Variants in SMG6 observed in about 807,000 individuals in gnomAD.
SMG6 encodes the protein telomerase-binding protein EST1A.
In SMG6, 66 loss-of-function variants were observed where a neutral mutation model predicts 142.2. The ratio of observed to expected loss-of-function variants is 0.46; its 90% CI spans 0.38 to 0.57. SMG6 has a LOEUF of 0.57. SMG6 is among the 20% of genes least tolerant of loss of function. The pLI, the probability that SMG6 is intolerant of heterozygous loss-of-function variation, is 0.00. For missense variants in SMG6, 1,793 were observed against 1,832.0 expected (o/e 0.98, Z 0.39); for synonymous variants, 779 against 702.4 (o/e 1.11, Z -1.72).
chr17:2,251,900 G>A (rs1228954865), intron 8 of SMG6, among the ~76,000 whole-genome samples: 3 of 151,790 alleles, frequency 2.0e-5, no homozygotes, highest in Admixed American at 6.6e-5. Context: ...TCGGGAGTTC[G>A]AGACCAGCCT....
intron 15 of SMG6, among the ~76,000 whole-genome samples, chr17:2,078,823 T>C (rs2068331255): frequency 6.6e-6 from 1 of 152,020 alleles, no homozygotes; most frequent in Non-Finnish European, 1.5e-5. Flanking sequence ...TCATCGATGC[T>C]GAAGGGAAGC....
intron 8 of SMG6, among the ~76,000 whole-genome samples, chr17:2,278,634 T>C (rs749132079): frequency 6.6e-6 from 1 of 152,236 alleles, no homozygotes; most frequent in Non-Finnish European, 1.5e-5. Context: ...GTGATCATTA[T>C]AGAAATCCAA....
intron 13 of SMG6, among the ~76,000 whole-genome samples, chr17:2,096,303 G>T (rs973742430): frequency 2.6e-4 from 39 of 152,158 alleles, no homozygotes; most frequent in Admixed American, 3.3e-4. Context: ...TTGAACCTGG[G>T]TTCAAGTGAT....
At chr17:2,064,893 T>TC (rs1389827866) in intron 18 of SMG6, among the ~76,000 whole-genome samples, 180 bp downstream of exon 18, 2 of 151,510 alleles carry the variant, frequency 1.3e-5, no homozygotes, top group African/African-American at 4.8e-5. Flanking sequence ...CACCTGGCAT[T>TC]CCCTGGGGCT....
Position 2,160,511 on chromosome 17 carries a change from G to A in SMG6, c.3357+12147C>T, listed in dbSNP as rs185995132. Among the ~76,000 whole-genome samples, 219 of 152,236 alleles carry A rather than the reference G, an allele frequency of 1.4e-3. 2 individuals carry two copies. The highest frequency in any genetic ancestry group is 4.9e-3 in the African/African-American group (203 of 41,552). On this transcript the variant is annotated intron_variant, in intron 13 of 18. Coordinates refer to ENST00000263073, the MANE Select transcript of SMG6 (RefSeq NM_017575.5). ...TGGGATTACAGGCATGAGCCACCGC[G>A]CCTGGCCTTCAATTGTTTTGAATAT... is the stretch of plus-strand genomic sequence containing the variant.
intron 15 of SMG6, among the ~76,000 whole-genome samples, chr17:2,077,690 G>C (rs2068298888): frequency 6.6e-6 from 1 of 152,204 alleles, no homozygotes; most frequent in African/African-American, 2.4e-5. Context: ...GTGTTTAAGA[G>C]ACGGGGTTTT....
chr17:2,297,752 G>GT (rs934105972), intron 3 of SMG6, 111 bp downstream of exon 3: 12 of 1,298,544 alleles, frequency 9.2e-6, no homozygotes, highest in Middle Eastern at 3.7e-4. Context: ...GAAAAGGGCA[G>GT]TTTTTTTGTC....
At chr17:2,219,469 G>C (rs2073111330) in intron 10 of SMG6, among the ~76,000 whole-genome samples, 1 of 151,962 alleles carries the variant, frequency 6.6e-6, no homozygotes, top group South Asian at 2.1e-4. Flanking sequence ...ACTGCTAAGA[G>C]TGTAAGCTGA....
intron 14 of SMG6, among the ~76,000 whole-genome samples, chr17:2,084,373 T>C (rs2068501087): frequency 6.6e-6 from 1 of 152,190 alleles, no homozygotes; most frequent in Admixed American, 6.5e-5. Flanking sequence ...CCCATTATTC[T>C]CTGCCCAGGT....
intron 6 of SMG6, among the ~76,000 whole-genome samples, chr17:2,288,098 G>T (rs2074947978): frequency 6.6e-6 from 1 of 152,146 alleles, no homozygotes; most frequent in South Asian, 2.1e-4. Flanking sequence ...TGGATCACCT[G>T]AAGTCTGGAG....
chr17:2,079,469 C>T (rs771982170), intron 15 of SMG6, among the ~76,000 whole-genome samples: 31 of 97,806 alleles, frequency 3.2e-4, no homozygotes, highest in South Asian at 2.1e-3. Context: ...CTGGTCTCTA[C>T]GAAAAATACA....
At chr17:2,212,517 G>A (rs970029730) in intron 10 of SMG6, 12 of 152,130 alleles carry the variant, frequency 7.9e-5, no homozygotes, top group Admixed American at 2.6e-4. Context: ...CGGCACTTGC[G>A]AACTGCTGAC....
intron 15 of SMG6, among the ~76,000 whole-genome samples, chr17:2,078,074 T>TGGAGGCAGTGCAGTGAATA (rs1329235282): frequency 2.0e-5 from 3 of 152,100 alleles, no homozygotes; most frequent in Non-Finnish European, 4.4e-5. Context: ...AAGAGAATGA[T>TGGAGGCAGTGCAGTGAATA]GGAGGCAGTG....
intron 8 of SMG6, chr17:2,266,171 C>G: frequency 1.0e-6 from 1 of 985,388 alleles, no homozygotes; most frequent in Non-Finnish European, 1.2e-6. Flanking sequence ...CAAACCAAGG[C>G]CTGGAAATTC....
intron 13 of SMG6, among the ~76,000 whole-genome samples, chr17:2,164,192 G>A (rs866274578): frequency 1.9e-4 from 29 of 151,970 alleles, no homozygotes; most frequent in Non-Finnish European, 4.1e-4. Flanking sequence ...TGAGGTGGAG[G>A]CGGGCAAATC....
intron 13 of SMG6, among the ~76,000 whole-genome samples, chr17:2,137,519 A>G (rs1036546430): frequency 3.9e-5 from 6 of 151,976 alleles, no homozygotes; most frequent in African/African-American, 1.5e-4. Flanking sequence ...GACCTTTCAC[A>G]TGCAAATGGG....
chr17:2,099,963 A>C (rs2068960270), intron 13 of SMG6, among the ~76,000 whole-genome samples: 1 of 151,988 alleles, frequency 6.6e-6, no homozygotes, highest in Admixed American at 6.5e-5. Context: ...TCTGGGCTCA[A>C]GTGATCCTTC....
chr17:2,085,016 C>T lies in SMG6; in HGVS notation c.3534+709G>A, dbSNP rs139009168. 1.3e-5 allele frequency among the ~76,000 whole-genome samples: 2 copies of T among 152,338 alleles called. No homozygotes were observed. The highest frequency in any genetic ancestry group is 4.8e-5 in the African/African-American group (2 of 41,570). On this transcript the variant is annotated intron_variant, in intron 14 of 18. Transcript: ENST00000263073. This position sits in a 1 kb window ranked among gnomAD's most constrained non-coding sequence, Gnocchi z 4.1. ...CCCAGCACACACAGACCCACATCAA[C>T]AATCACTCCCAGAAAGACACAAATA...
chr17:2,141,166 C>A (rs1374573732), intron 13 of SMG6, among the ~76,000 whole-genome samples: 1 of 152,196 alleles, frequency 6.6e-6, no homozygotes, highest in Non-Finnish European at 1.5e-5. Context: ...TGGCCAGTGG[C>A]TACCATAGAG....
Sources: allele counts gnomAD v4.1 joint callset (sites outside exome capture counted in the v4.1 genomes callset), GRCh38; gene constraint gnomAD v4.1.1; non-coding constraint Gnocchi (gnomAD v3.1); transcripts MANE v1.5; gene names NCBI Gene and HGNC (gene_info 2026-07-23, HGNC 2026-07-21).